The following LMX1A variants were observed in gnomAD, a reference collection of about 807,000 sequenced individuals.
The protein encoded by LMX1A is LIM homeobox transcription factor 1 alpha, also known as LIM homeobox transcription factor 1-alpha.
Under a neutral mutation model 49.1 loss-of-function variants are expected in LMX1A, and 15 were observed. That is an observed-to-expected ratio of 0.31 (90% confidence interval 0.20 to 0.47). The LOEUF (loss-of-function observed/expected upper bound fraction) is 0.47. Among genes scored for constraint, LMX1A ranks in the 20% least tolerant of loss-of-function variants. The pLI, the probability that LMX1A is intolerant of heterozygous loss-of-function variation, is 1.00. For synonymous variants in LMX1A, 167 were observed against 185.7 expected, an observed-to-expected ratio of 0.90 and a Z score of 0.82; for missense variants, 372 against 475.8, an observed-to-expected ratio of 0.78 and a Z score of 2.03.
chr1:165,221,988 C>T (rs1244021088), intron 4 of LMX1A, among the ~76,000 whole-genome samples: 1 of 151,930 alleles, frequency 6.6e-6, no homozygotes, highest in Admixed American at 6.6e-5. Flanking sequence ...CCATCATTCC[C>T]TCTCTGAATT....
rs530832397 is a variant in LMX1A at position 165,202,880 on chromosome 1, T to C, written c.*1000A>G. 3.9e-5 allele frequency: 6 copies of C among 152,708 alleles called. No homozygotes were observed. Among genetic ancestry groups the C allele is most frequent in the African/African-American group, 1.2e-4 (5 of 41,458 alleles). The allele number at this position is 152,708 out of a possible 1,614,324, so 9.5% of individuals were successfully genotyped here. A position where few individuals can be genotyped will look rare whatever the true frequency, so the allele number is the denominator to read the frequency against. On this transcript the variant is annotated 3_prime_UTR_variant, in exon 9 of 9. Coordinates refer to ENST00000342310, the MANE Select transcript of LMX1A (RefSeq NM_177398.4). ...CTTTGCCAAGTGAGTGGCCTGGTTG[T>C]ATCTTAAACAAATATCAGATATTAG...
intron 3 of LMX1A, among the ~76,000 whole-genome samples, chr1:165,335,513 A>G (rs1197607171): frequency 2.0e-5 from 3 of 151,970 alleles, no homozygotes; most frequent in Non-Finnish European, 4.4e-5. Context: ...ATACAGTATG[A>G]TTTAAGAGGC....
At chr1:165,326,155 G>A (rs1024059803) in intron 3 of LMX1A, among the ~76,000 whole-genome samples, 7 of 152,192 alleles carry the variant, frequency 4.6e-5, no homozygotes, top group South Asian at 4.1e-4. Flanking sequence ...GCATGAGAAG[G>A]CTGGGTGGAA....
At chr1:165,338,522 T>A (rs1387055369) in intron 3 of LMX1A, among the ~76,000 whole-genome samples, 2 of 152,106 alleles carry the variant, frequency 1.3e-5, no homozygotes, top group African/African-American at 2.4e-5. Flanking sequence ...TTTAAAAGAG[T>A]GCATTTCATT....
At chr1:165,331,297 T>C (rs1655735472) in intron 3 of LMX1A, among the ~76,000 whole-genome samples, 1 of 152,102 alleles carries the variant, frequency 6.6e-6, no homozygotes, top group Non-Finnish European at 1.5e-5. Flanking sequence ...CTATAAAAAA[T>C]CAAATGAAAA....
intron 3 of LMX1A, among the ~76,000 whole-genome samples, chr1:165,269,508 C>G (rs1372012975): frequency 6.6e-6 from 1 of 152,144 alleles, no homozygotes; most frequent in Non-Finnish European, 1.5e-5. Context: ...GACTTAGAAC[C>G]AGAAATACCA....
chr1:165,303,727 T>A (rs2101727201), intron 3 of LMX1A, among the ~76,000 whole-genome samples: 1 of 152,140 alleles, frequency 6.6e-6, no homozygotes, highest in South Asian at 2.1e-4. Flanking sequence ...AGGGCCAAGG[T>A]AAGACCAGGA....
At chr1:165,289,968 G>A (rs991319209) in intron 3 of LMX1A, among the ~76,000 whole-genome samples, 1 of 152,188 alleles carries the variant, frequency 6.6e-6, no homozygotes, top group African/African-American at 2.4e-5. Flanking sequence ...CCATCCTTAG[G>A]GAGTCTGATT....
chr1:165,251,074 A>G (rs1653043778), intron 3 of LMX1A, among the ~76,000 whole-genome samples: 1 of 142,646 alleles, frequency 7.0e-6, no homozygotes, highest in Admixed American at 7.3e-5. Flanking sequence ...AATTGGGAGT[A>G]TTGAATGGCT....
At chr1:165,206,085 TG>T (rs750687275) in intron 7 of LMX1A, 51 bp from the exon 8 acceptor site, 1 of 1,461,898 alleles carries the variant, frequency 6.8e-7, no homozygotes, top group Non-Finnish European at 9.2e-7. Flanking sequence ...GCCTGGCATG[TG>T]ATTTCCCTGG....
chr1:165,251,246 C>A (rs537017494), intron 3 of LMX1A, among the ~76,000 whole-genome samples: 2 of 152,068 alleles, frequency 1.3e-5, no homozygotes, highest in Non-Finnish European at 2.9e-5. Flanking sequence ...CCATGCCCAG[C>A]TAATTTTTGT....
intron 3 of LMX1A, among the ~76,000 whole-genome samples, chr1:165,273,317 C>A (rs953182844): frequency 6.6e-6 from 1 of 152,144 alleles, no homozygotes; most frequent in Admixed American, 6.5e-5. Flanking sequence ...CAGAAGGGGG[C>A]TCACTTGGCC....
At chr1:165,337,888 C>CTGTGTGTGTGTGTGTGTGAGTGTG (rs1655948452) in intron 3 of LMX1A, among the ~76,000 whole-genome samples, 1 of 146,930 alleles carries the variant, frequency 6.8e-6, no homozygotes, top group Non-Finnish European at 1.5e-5. Context: ...GTGTGTGTTT[C>CTGTGTGTGTGTGTGTGTGAGTGTG]TGTGTGTGTG....
chr1:165,326,856 C>T (rs1001321940), intron 3 of LMX1A, among the ~76,000 whole-genome samples: 7 of 152,200 alleles, frequency 4.6e-5, no homozygotes, highest in Non-Finnish European at 1.0e-4. Context: ...TTGATTGTTA[C>T]AAGTGCAATC....
intron 3 of LMX1A, among the ~76,000 whole-genome samples, chr1:165,326,161 T>A (rs1040711906): frequency 6.6e-6 from 1 of 151,498 alleles, no homozygotes; most frequent in African/African-American, 2.4e-5. Flanking sequence ...GAAGGCTGGG[T>A]GGAAATGATG....
intron 4 of LMX1A, among the ~76,000 whole-genome samples, chr1:165,239,374 G>A (rs1335271205): frequency 6.6e-6 from 1 of 152,170 alleles, no homozygotes; most frequent in African/African-American, 2.4e-5. Context: ...AGCAAGGACT[G>A]AACCCCTCTG....
intron 4 of LMX1A, among the ~76,000 whole-genome samples, chr1:165,225,655 G>A (rs1379882747): frequency 6.6e-6 from 1 of 152,218 alleles, no homozygotes; most frequent in African/African-American, 2.4e-5. Flanking sequence ...TTTTCAAAAT[G>A]AGCATGTCCC....
chr1:165,275,841 GTGTGTA>G (rs199598760), intron 3 of LMX1A, among the ~76,000 whole-genome samples: 6 of 72,206 alleles, frequency 8.3e-5, no homozygotes, highest in African/African-American at 1.8e-4. Context: ...GCTGGGGTGT[GTGTGTA>G]TGTGTGTGTG....
At chr1:165,295,496 A>C (rs6662186) in intron 3 of LMX1A, among the ~76,000 whole-genome samples, 128,978 of 148,112 alleles carry the variant, frequency 0.87, 56,232 homozygotes, top group Middle Eastern at 0.92. Context: ...GAGACATAAC[A>C]TAATGACATC....
Sources: allele counts gnomAD v4.1 joint callset (sites outside exome capture counted in the v4.1 genomes callset), GRCh38; gene constraint gnomAD v4.1.1; transcripts MANE v1.5; gene names NCBI Gene and HGNC (gene_info 2026-07-23, HGNC 2026-07-21).